Variants in PGA3 observed in about 807,000 individuals in gnomAD.
PGA3 encodes the protein pepsinogen A3, also known as pepsin A-3.
A neutral mutation model predicts 15.6 loss-of-function variants in PGA3; 1 was observed. The observed-to-expected ratio is 0.06, with a 90% CI of 0.02 to 0.30. The LOEUF (loss-of-function observed/expected upper bound fraction) is 0.30. Among genes scored for constraint, PGA3 ranks in the 10% least tolerant of loss-of-function variants. PGA3 has a pLI of 1.00. For missense variants in PGA3, 29 were observed against 183.7 expected, an observed-to-expected ratio of 0.16 and a Z score of 4.87; for synonymous variants, 14 against 79.5, an observed-to-expected ratio of 0.18 and a Z score of 4.38.
intron 2 of PGA3, chr11:61,205,701 C>A (rs1357078180): frequency 8.2e-5 from 11 of 134,704 alleles, no homozygotes; most frequent in African/African-American, 3.0e-4. Flanking sequence ...ACCAGTGTGG[C>A]GGGAACAGAG....
chr11:61,204,909 A>T (rs2134692583), intron 2 of PGA3, among the ~76,000 whole-genome samples: 1 of 152,328 alleles, frequency 6.6e-6, no homozygotes, highest in East Asian at 1.9e-4. Context: ...TGACAAGATC[A>T]GATCTGAGTT....
Position 61,211,440 on chromosome 11 carries a change from G to T in PGA3, c.1017+5G>T, listed in dbSNP as rs1853945496. On this transcript the variant is annotated splice_donor_5th_base_variant and intron_variant, in intron 8 of 8. Transcript: ENST00000325558. ...CCCAGTGCCTACATCCTGCAGGTGA[G>T]GAGGCTCTGGACCATCCACTAGAGG... 1 of 732,304 alleles carries T rather than the reference G, an allele frequency of 1.4e-6. No individual in the cohort carries two copies. The highest frequency in any genetic ancestry group is 1.8e-5 in the African/African-American group (1 of 55,864). 45.4% of individuals were successfully genotyped at this position (732,304 alleles called of 1,614,324 possible).
intron 8 of PGA3, among the ~76,000 whole-genome samples, chr11:61,211,789 A>G (rs1853950820): frequency 6.6e-6 from 1 of 151,020 alleles, no homozygotes. Flanking sequence ...TAGAGATGGC[A>G]GCTTTCCCCA....
intron 2 of PGA3, chr11:61,205,908 A>G (rs1853922138): frequency 1.0e-5 from 1 of 97,188 alleles, no homozygotes; most frequent in Non-Finnish European, 2.3e-5. Flanking sequence ...GAGGCAGGAG[A>G]ATCACTGGAA....
intron 2 of PGA3, among the ~76,000 whole-genome samples, chr11:61,204,977 C>T (rs1338615913): frequency 6.6e-6 from 1 of 152,198 alleles, no homozygotes; most frequent in African/African-American, 2.4e-5. Flanking sequence ...CCCTGCCCTC[C>T]TGCAGATATT....
At position 61,203,629 on chromosome 11, in the gene PGA3, G is replaced by A. The variant is rs536839949; in HGVS notation, c.56+9G>A. ...GAGTGCATCATGTACAAGTGAGTCCGGGTGGTGTGGGTGTGAAGACGCTGC... is the reference window on the plus strand; with the variant it reads ...GAGTGCATCATGTACAAGTGAGTCCAGGTGGTGTGGGTGTGAAGACGCTGC... On this transcript the variant is annotated intron_variant, in intron 1 of 8. Coordinates refer to ENST00000325558, the MANE Select transcript of PGA3 (RefSeq NM_001079807.4). 25 of 1,603,348 alleles carry A rather than the reference G, an allele frequency of 1.6e-5. No individual in the cohort carries two copies. Among genetic ancestry groups the A allele is most frequent in the South Asian group, 7.7e-5 (7 of 90,866 alleles).
chr11:61,205,483 A>T (rs1413127079), intron 2 of PGA3, among the ~76,000 whole-genome samples: 2 of 152,104 alleles, frequency 1.3e-5, no homozygotes, highest in Non-Finnish European at 2.9e-5. Flanking sequence ...GGGGAACAAA[A>T]AGATTGAGAG....
Position 61,206,026 on chromosome 11 carries a change from C to A in PGA3, c.220-484C>A, listed in dbSNP as rs1316709917. 1.4e-4 allele frequency: 22 copies of A among 161,740 alleles called. 6 individuals are homozygous for A. The highest frequency in any genetic ancestry group is 7.5e-4 in the Admixed American group (12 of 16,012). 10.0% of individuals were successfully genotyped at this position (161,740 alleles called of 1,614,324 possible). A position where few individuals can be genotyped will look rare whatever the true frequency, so the allele number is the denominator to read the frequency against. The stretch of plus-strand genomic sequence containing the variant: ...AAAAGAATAAAAATTCTGGCAATGC[C>A]CTTTCTCAAAACCTGCTGTACACAT... On this transcript the variant is annotated intron_variant, in intron 2 of 8. Coordinates refer to ENST00000325558, the MANE Select transcript of PGA3 (RefSeq NM_001079807.4).
intron 2 of PGA3, chr11:61,204,612 G>A: frequency 1.9e-6 from 1 of 538,730 alleles, no homozygotes. Context: ...GGAACAGGCA[G>A]CAGGAGGACT....
chr11:61,211,882 C>T (rs1853952072), intron 8 of PGA3, among the ~76,000 whole-genome samples: 1 of 151,262 alleles, frequency 6.6e-6, no homozygotes, highest in Admixed American at 6.6e-5. Flanking sequence ...ATCCTAATTT[C>T]CGTAGGCTGG....
intron 1 of PGA3, 93 bp downstream of exon 1, chr11:61,203,713 T>C: frequency 6.2e-7 from 1 of 1,600,438 alleles, no homozygotes; most frequent in Non-Finnish European, 8.5e-7. Context: ...TCTCCCTCTC[T>C]ATTCAGCTGT....
intron 1 of PGA3, 30 bp downstream of exon 1, chr11:61,203,650 G>A (rs767735197): frequency 6.8e-6 from 11 of 1,606,858 alleles, no homozygotes; most frequent in Middle Eastern, 4.5e-4. Flanking sequence ...GTGTGAAGAC[G>A]CTGCCTCCCA....
At chr11:61,205,300 T>G (rs1205698476) in intron 2 of PGA3, among the ~76,000 whole-genome samples, 1 of 152,026 alleles carries the variant, frequency 6.6e-6, no homozygotes, top group East Asian at 1.9e-4. Context: ...TTCACAAATA[T>G]TTAACAAATA....
In PGA3 at chr11:61,203,579, G is replaced by A. The variant is rs766859255; in HGVS notation, c.15G>A (p.Leu5=). Residue 5 remains leucine, a synonymous_variant, in exon 1 of 9, where the codon CTG becomes CTA. Transcript: ENST00000325558. ...CGGGAAGAACCATGAAGTGGCTGCT[G>A]CTGCTGGGTCTGGTGGCACTCTCTG... MKWL[L]LLGLVALSEC... The A allele has an allele frequency of 1.2e-6, 2 of 1,611,440 alleles. No individual in the cohort carries two copies. Among genetic ancestry groups the A allele is most frequent in the South Asian group, 2.2e-5 (2 of 90,968 alleles).
chr11:61,204,955 C>T (rs1387448236), intron 2 of PGA3, among the ~76,000 whole-genome samples: 14 of 152,292 alleles, frequency 9.2e-5, no homozygotes, highest in Non-Finnish European at 4.4e-5. Context: ...ATTTGAGATC[C>T]GATAGCAAAC....
At chr11:61,211,693 G>C (rs868114370) in intron 8 of PGA3, among the ~76,000 whole-genome samples, 198 of 148,844 alleles carry the variant, frequency 1.3e-3, no homozygotes, top group South Asian at 2.1e-3. Context: ...TGGACCCCTG[G>C]GTCCAAGTCC....
At chr11:61,205,989 T>C in intron 2 of PGA3, 1 of 67,964 alleles carries the variant, frequency 1.5e-5, no homozygotes, top group South Asian at 1.8e-4. Context: ...AGAGTGAGAC[T>C]TGTCTCAAAA....
At chr11:61,208,061 A>ATC in intron 4 of PGA3, 1 of 81,800 alleles carries the variant, frequency 1.2e-5, no homozygotes. Context: ...CTCCAGCAAA[A>ATC]TCTCACCCTG....
At chr11:61,211,706 G>T (rs528672340) in intron 8 of PGA3, among the ~76,000 whole-genome samples, 1 of 150,256 alleles carries the variant, frequency 6.7e-6, no homozygotes, top group Non-Finnish European at 1.5e-5. Context: ...CCAAGTCCTG[G>T]GTCTGAATTA....
Sources: gnomAD v4.1 joint callset for allele counts (sites outside exome capture counted in the v4.1 genomes callset) on GRCh38, gnomAD v4.1.1 for gene constraint, MANE v1.5 for transcripts, NCBI Gene and HGNC (gene_info 2026-07-23, HGNC 2026-07-21) for gene names.